Variants in CCNK observed in about 807,000 individuals in gnomAD.
The protein encoded by CCNK is cyclin-K.
A neutral mutation model predicts 65.0 loss-of-function variants in CCNK; 9 were observed. That is an observed-to-expected ratio of 0.14 (90% CI 0.08 to 0.24). The LOEUF (loss-of-function observed/expected upper bound fraction) is 0.24. Ranked by LOEUF, CCNK falls within the 10% of genes least tolerant of loss-of-function variation. The probability of loss-of-function intolerance (pLI) is 1.00; values close to 1 mark genes in which losing one functional copy is unlikely to be tolerated. For synonymous variants in CCNK, 279 were observed against 270.8 expected (o/e 1.03, Z -0.30); for missense variants, 474 against 720.0 (o/e 0.66, Z 3.91).
At chr14:99,499,167 G>A (rs1896765643) in intron 4 of CCNK, among the ~76,000 whole-genome samples, 1 of 152,172 alleles carries the variant, frequency 6.6e-6, no homozygotes, top group African/African-American at 2.4e-5. Context: ...AGCTTCCCAA[G>A]TAGGGGACTA....
At chr14:99,509,867 G>A in intron 10 of CCNK, 2 of 485,692 alleles carry the variant, frequency 4.1e-6, no homozygotes, top group Non-Finnish European at 7.3e-6. Flanking sequence ...CTGGGGCCAG[G>A]GCACAAGGGG....
chr14:99,502,360 G>C lies in CCNK; in HGVS notation c.729G>C (p.Pro243=), dbSNP rs367888657. The C allele has an allele frequency of 2.0e-5, 32 of 1,613,390 alleles. No homozygotes were observed. In the South Asian group the frequency reaches 3.2e-4, roughly 16 times the overall value. Reference sequence around the variant, plus strand: ...GGGAGCAGTTTGTTCAAGATGTCCCGGTCGACGTTTTGGAAGGTACCAGGC... The same window carrying C: ...GGGAGCAGTTTGTTCAAGATGTCCCCGTCGACGTTTTGGAAGGTACCAGGC... The part of the protein sequence containing the change: ...RWWEQFVQDV[P]VDVLEDICHQ... The change falls in exon 7 of 11, where the codon CCG becomes CCC. Residue 243 remains proline, a synonymous_variant. Transcript: ENST00000389879.
At position 99,510,482 on chromosome 14, in the gene CCNK, C is replaced by T. The variant is rs1452968030; in HGVS notation, c.1443C>T (p.Asn481=). Residue 481 remains asparagine (N), a synonymous_variant, in exon 11 of 11, where the codon AAC becomes AAT. Transcript: ENST00000389879. ...ACCACCCCCATGTCTACCCGCCCAA[C>T]CCGCCCCCGCCACCTGTGCCTCCTC... ...LPYHPHVYPP[N]PPPPPVPPPP... is the part of the protein sequence containing the mutation. The T allele has an allele frequency of 4.0e-6, 5 of 1,249,056 alleles. No homozygotes were observed. In the South Asian group the frequency reaches 6.7e-5, roughly 17 times the overall value. The allele number at this position is 1,249,056 out of a possible 1,614,324, so 77.4% of individuals were successfully genotyped here.
chr14:99,486,266 TC>T (rs1896483201), intron 1 of CCNK, among the ~76,000 whole-genome samples: 1 of 152,372 alleles, frequency 6.6e-6, no homozygotes, highest in South Asian at 2.1e-4. Context: ...CCAGTCTTTT[TC>T]CCTTTCTCTA....
chr14:99,502,250 G>T lies in CCNK; in HGVS notation c.619G>T (p.Ala207Ser). 6.2e-7 allele frequency: 1 copy of T among 1,604,982 alleles called. No individual in the cohort carries two copies. Among genetic ancestry groups the T allele is most frequent in the Non-Finnish European group, 8.5e-7 (1 of 1,175,496 alleles). Residue 207 changes from alanine (A) to serine (S), a missense_variant, in exon 7 of 11, where the codon GCA becomes TCA. Coordinates refer to ENST00000389879, the MANE Select transcript of CCNK (RefSeq NM_001099402.2). Reference sequence around the variant, plus strand: ...ACTGCAGTGGGAACCAGAGATCATAGCAGTAGCAGTGATGTATCTCGCAGG... The same window carrying T: ...ACTGCAGTGGGAACCAGAGATCATATCAGTAGCAGTGATGTATCTCGCAGG... ...LSLQWEPEII[A>S]VAVMYLAGRL... is the part of the protein sequence containing the mutation.
At chr14:99,488,864 A>G (rs565760114) in intron 1 of CCNK, among the ~76,000 whole-genome samples, 6 of 151,326 alleles carry the variant, frequency 4.0e-5, no homozygotes, top group East Asian at 1.9e-4. Context: ...TTGCTATTCA[A>G]ATTACCTTGG....
chr14:99,507,350 G>C, intron 10 of CCNK: 1 of 569,968 alleles, frequency 1.8e-6, no homozygotes, highest in Non-Finnish European at 3.2e-6. Context: ...GCGGAGGCAG[G>C]AGAATCACCT....
chr14:99,506,775 C>G (rs1280719942), intron 9 of CCNK: 1 of 392,590 alleles, frequency 2.5e-6, no homozygotes, highest in African/African-American at 2.1e-5. Context: ...AGACGTTGCT[C>G]TGCTGGTCTC....
rs1363553896 is a variant in CCNK at position 99,511,650 on chromosome 14, C to T, written c.*868C>T. ...GGCTGCAGCTCACAGCAGCCACAGCCAACCCCACTGCCTCCCAAGGCACTC... is the reference window on the plus strand; with the variant it reads ...GGCTGCAGCTCACAGCAGCCACAGCTAACCCCACTGCCTCCCAAGGCACTC... On this transcript the variant is annotated 3_prime_UTR_variant, in exon 11 of 11. Transcript: ENST00000389879. 6.6e-6 allele frequency: 1 copy of T among 152,520 alleles called. No homozygotes were observed. The highest frequency in any genetic ancestry group is 1.5e-5 in the Non-Finnish European group (1 of 68,070). 9.4% of individuals were successfully genotyped at this position (152,520 alleles called of 1,614,324 possible). A position where few individuals can be genotyped will look rare whatever the true frequency, so the allele number is the denominator to read the frequency against.
chr14:99,503,047 A>G, intron 8 of CCNK, 63 bp downstream of exon 8: 2 of 1,553,370 alleles, frequency 1.3e-6, no homozygotes, highest in East Asian at 2.2e-5. Context: ...ACACCTGAGC[A>G]CTGTTCCCAT....
Position 99,502,666 on chromosome 14 carries a change from A to G in CCNK, c.746-53A>G. ...ATAACTGATTCTTTATCCAGGTAAA[A>G]TTTTATTTAAAATACCAATTTGTGT... On this transcript the variant is annotated intron_variant, in intron 7 of 10. Coordinates refer to ENST00000389879, the MANE Select transcript of CCNK (RefSeq NM_001099402.2). The G allele has an allele frequency of 2.6e-6, 4 of 1,554,722 alleles. No individual in the cohort carries two copies. The South Asian group carries it at 4.5e-5, about 18-fold the overall frequency.
rs1278286101 is a variant in CCNK at position 99,512,384 on chromosome 14, A to AAAT, written c.*1604_*1606dup. ...CAAATACTTTGCCCCACAGTATGAAAAATATACACCTCTACCGCTCTGCAG... is the reference window on the plus strand; with the variant it reads ...CAAATACTTTGCCCCACAGTATGAAAAATAATATACACCTCTACCGCTCTGCAG... On this transcript the variant is annotated 3_prime_UTR_variant, in exon 11 of 11. Coordinates refer to ENST00000389879, the MANE Select transcript of CCNK (RefSeq NM_001099402.2). The AAAT allele has an allele frequency of 6.6e-6, 1 of 152,140 alleles. No individual in the cohort carries two copies. Among genetic ancestry groups the AAAT allele is most frequent in the African/African-American group, 2.4e-5 (1 of 41,402 alleles). 9.4% of individuals were successfully genotyped at this position (152,140 alleles called of 1,614,324 possible).
chr14:99,509,082 T>C (rs891628358), intron 10 of CCNK: 1 of 152,226 alleles, frequency 6.6e-6, no homozygotes. Flanking sequence ...CATGCTCGCT[T>C]TGGCAAGATC....
chr14:99,509,171 A>T (rs1163240632), intron 10 of CCNK: 1 of 152,202 alleles, frequency 6.6e-6, no homozygotes, highest in Non-Finnish European at 1.5e-5. Flanking sequence ...GTGCCTGGGG[A>T]ACCAGAAGCA....
chr14:99,493,883 T>C (rs1369450695), intron 3 of CCNK: 1 of 263,184 alleles, frequency 3.8e-6, no homozygotes, highest in East Asian at 7.4e-5. Flanking sequence ...TAATTGAGAC[T>C]CAACAAAGAC....
At chr14:99,492,908 A>T (rs767609024) in intron 2 of CCNK, 34 bp downstream of exon 2, 4 of 1,517,676 alleles carry the variant, frequency 2.6e-6, no homozygotes, top group African/African-American at 2.8e-5. Flanking sequence ...TGTTACAGAT[A>T]GGCTCCCCAC....
Position 99,507,112 on chromosome 14 carries a change from C to T in CCNK, c.1082C>T (p.Thr361Ile), listed in dbSNP as rs901901957. 3 of 1,612,646 alleles carry T rather than the reference C, an allele frequency of 1.9e-6. No individual in the cohort carries two copies. In the South Asian group the frequency reaches 3.3e-5, roughly 18 times the overall value. Reference sequence around the variant, plus strand: ...CCTAAAATCCCCAAAATTGAGACCACTCATCCACCGTTGCCTCCAGCCCAC... The same window carrying T: ...CCTAAAATCCCCAAAATTGAGACCATTCATCCACCGTTGCCTCCAGCCCAC... ...PPPKIPKIET[T>I]HPPLPPAHPP... The change falls in exon 10 of 11, where the codon ACT becomes ATT. Residue 361 changes from threonine to isoleucine, a missense_variant. Transcript: ENST00000389879.
intron 10 of CCNK, chr14:99,508,099 A>AC (rs1897021359): frequency 6.6e-6 from 1 of 152,248 alleles, no homozygotes; most frequent in South Asian, 2.1e-4. Flanking sequence ...ACTGGGGCTG[A>AC]CAGCACTGTG....
rs1415172025 is a variant in CCNK, at chr14:99,511,893, G to C, written c.*1111G>C. 6.6e-6 allele frequency: 1 copy of C among 152,406 alleles called. No homozygotes were observed. Among genetic ancestry groups the C allele is most frequent in the East Asian group, 1.9e-4 (1 of 5,186 alleles). 9.4% of individuals were successfully genotyped at this position (152,406 alleles called of 1,614,324 possible). ...CAGCTGGAGGAGCAGCGGCCTCACT[G>C]TCCACCTTGAGGGGCCACGGCTCTG... On this transcript the variant is annotated 3_prime_UTR_variant, in exon 11 of 11. Coordinates refer to ENST00000389879, the MANE Select transcript of CCNK (RefSeq NM_001099402.2).
Sources: gnomAD v4.1 joint callset for allele counts (sites outside exome capture counted in the v4.1 genomes callset) on GRCh38, gnomAD v4.1.1 for gene constraint, MANE v1.5 for transcripts, NCBI Gene and HGNC (gene_info 2026-07-23, HGNC 2026-07-21) for gene names.